Variants in ELAVL2 observed in about 807,000 individuals in gnomAD.
ELAVL2 encodes the protein ELAV-like protein 2.
In ELAVL2, 4 loss-of-function variants were observed where a neutral mutation model predicts 34.6. That is an observed-to-expected ratio of 0.12 (90% confidence interval 0.06 to 0.26). The LOEUF is 0.26. Ranked by LOEUF, ELAVL2 falls within the 10% of genes least tolerant of loss-of-function variation. ELAVL2 has a pLI of 1.00. For missense variants in ELAVL2, 432 were observed against 442.8 expected, an observed-to-expected ratio of 0.98 and a Z score of 0.22; for synonymous variants, 193 against 154.8, an observed-to-expected ratio of 1.25 and a Z score of -1.83.
In ELAVL2 at chr9:23,701,507, C is replaced by T. The variant is rs768188398; in HGVS notation, c.585G>A (p.Thr195=). 22 of 1,613,940 alleles carry T rather than the reference C, an allele frequency of 1.4e-5. No individual in the cohort carries two copies. The highest frequency in any genetic ancestry group is 2.7e-5 in the African/African-American group (2 of 74,898). Residue 195 remains threonine (T), a synonymous_variant, in exon 5 of 7, where the codon ACG becomes ACA. Coordinates refer to ENST00000397312, the MANE Select transcript of ELAVL2 (RefSeq NM_004432.5). ...GLNGQKPPGA[T]EPITVKFANN... ...TAGCAAACTTTACAGTGATTGGCTCCGTGGCACCGGGAGGTTTCTGGCCAT... is the reference window on the plus strand; with the variant it reads ...TAGCAAACTTTACAGTGATTGGCTCTGTGGCACCGGGAGGTTTCTGGCCAT...
At chr9:23,831,901 A>C in the ELAVL2 span, among the ~76,000 whole-genome samples, 1 of 152,182 alleles carries the variant, frequency 6.6e-6, no homozygotes, top group Non-Finnish European at 1.5e-5. Context: ...GGAGAAGTGG[A>C]AAAGGGACAC....
chr9:23,791,590 ATAAT>A (rs1398800673), intron 1 of ELAVL2, among the ~76,000 whole-genome samples: 2 of 151,914 alleles, frequency 1.3e-5, no homozygotes, highest in Non-Finnish European at 2.9e-5. Context: ...ATAAGTGTAA[ATAAT>A]TAAGAATAAA....
the ELAVL2 span, among the ~76,000 whole-genome samples, chr9:23,848,301 A>T: frequency 6.6e-6 from 1 of 152,176 alleles, no homozygotes. Context: ...GAGATTTCTC[A>T]ACTGAAATTC....
intron 1 of ELAVL2, chr9:23,779,106 G>T: frequency 1.2e-6 from 1 of 804,878 alleles, no homozygotes; most frequent in Non-Finnish European, 1.5e-6. Flanking sequence ...TACACCAGAA[G>T]CCCTTGAATT....
the ELAVL2 span, among the ~76,000 whole-genome samples, chr9:23,847,071 T>C: frequency 6.6e-6 from 1 of 152,132 alleles, no homozygotes. Context: ...CTTACATATA[T>C]GATTAAATCC....
At chr9:23,765,830 C>G (rs1280220016) in intron 1 of ELAVL2, among the ~76,000 whole-genome samples, 3 of 152,050 alleles carry the variant, frequency 2.0e-5, no homozygotes, top group Admixed American at 6.6e-5. Flanking sequence ...ATCAAGTGAA[C>G]ATTTTTTAAT....
At chr9:23,754,740 G>A (rs2053120603) in intron 2 of ELAVL2, among the ~76,000 whole-genome samples, 1 of 152,154 alleles carries the variant, frequency 6.6e-6, no homozygotes, top group Non-Finnish European at 1.5e-5. Flanking sequence ...TGAGAATACA[G>A]GCATGAATCA....
At chr9:23,827,018 A>G (rs181293083), upstream of ELAVL2, among the ~76,000 whole-genome samples, 2 of 152,324 alleles carry the variant, frequency 1.3e-5, no homozygotes, top group East Asian at 1.9e-4. Flanking sequence ...CTTTCACTTC[A>G]TGTTAGAATA....
intron 1 of ELAVL2, among the ~76,000 whole-genome samples, chr9:23,813,694 T>C (rs907857092): frequency 8.5e-5 from 13 of 152,118 alleles, no homozygotes; most frequent in Admixed American, 7.9e-4. Flanking sequence ...GCTCATTTTA[T>C]AAAAGGAGAA....
intron 2 of ELAVL2, among the ~76,000 whole-genome samples, chr9:23,745,826 T>A (rs2050350685): frequency 6.6e-6 from 1 of 152,170 alleles, no homozygotes; most frequent in African/African-American, 2.4e-5. Context: ...CCTTAGCTAC[T>A]AAAAGCAATG....
rs116953822 is a variant in ELAVL2, at chr9:23,818,855, C to G, written c.-16+6951G>C. Among the ~76,000 whole-genome samples the G allele has an allele frequency of 4.6e-5, 7 of 152,316 alleles. No individual in the cohort carries two copies. The East Asian group carries it at 1.4e-3, about 29-fold the overall frequency. On this transcript the variant is annotated intron_variant, in intron 1 of 6. Coordinates refer to ENST00000397312, the MANE Select transcript of ELAVL2 (RefSeq NM_004432.5). ...AGCTTAAGAAGCTATTTCAGAGTAT[C>G]TAGTCCTTTGGGGAAAAAGAACATG...
chr9:23,844,141 C>CACAG, the ELAVL2 span, among the ~76,000 whole-genome samples: 1 of 152,006 alleles, frequency 6.6e-6, no homozygotes, highest in Admixed American at 6.6e-5. Flanking sequence ...TAAAGTCAAC[C>CACAG]ACAGGCATAT....
chr9:23,838,914 C>G, the ELAVL2 span, among the ~76,000 whole-genome samples: 1 of 152,108 alleles, frequency 6.6e-6, no homozygotes, highest in South Asian at 2.1e-4. Context: ...TAAACAGTCA[C>G]CTGAGTTAAT....
intron 1 of ELAVL2, among the ~76,000 whole-genome samples, chr9:23,790,365 G>A (rs1022131779): frequency 5.3e-5 from 8 of 152,138 alleles, no homozygotes; most frequent in African/African-American, 9.7e-5. Context: ...CCCAATACCC[G>A]CTTTCCCAGT....
chr9:23,774,482 C>T (rs933648427), intron 1 of ELAVL2, among the ~76,000 whole-genome samples: 6 of 152,216 alleles, frequency 3.9e-5, no homozygotes, highest in South Asian at 4.1e-4. Context: ...CAGTCACAAA[C>T]GGTGACTAAG....
upstream of ELAVL2, chr9:23,829,572 T>C (rs2065433800): frequency 6.6e-6 from 1 of 152,214 alleles, no homozygotes; most frequent in Non-Finnish European, 1.5e-5. Flanking sequence ...TAGGGGGTTA[T>C]GGTTCATACT....
At chr9:23,785,088 C>T (rs1450334615) in intron 1 of ELAVL2, among the ~76,000 whole-genome samples, 3 of 152,138 alleles carry the variant, frequency 2.0e-5, no homozygotes, top group Non-Finnish European at 4.4e-5. Flanking sequence ...CTTTCCTTGG[C>T]AAAACAGAGT....
rs190972419 is a variant in ELAVL2, at chr9:23,811,298, C to T, written c.-16+14508G>A. Reference sequence around the variant, plus strand: ...CCTCTCCACTAAATCAAAAAGGTAACGCAGCGTACAAGCTGTTCGATCACC... The same window carrying T: ...CCTCTCCACTAAATCAAAAAGGTAATGCAGCGTACAAGCTGTTCGATCACC... On this transcript the variant is annotated intron_variant, in intron 1 of 6. Coordinates refer to ENST00000397312, the MANE Select transcript of ELAVL2 (RefSeq NM_004432.5). 4.0e-5 allele frequency among the ~76,000 whole-genome samples: 6 copies of T among 151,632 alleles called. No homozygotes were observed. In the East Asian group the frequency reaches 5.8e-4, roughly 15 times the overall value.
intron 3 of ELAVL2, among the ~76,000 whole-genome samples, chr9:23,729,042 A>G (rs1311764340): frequency 6.6e-6 from 1 of 152,154 alleles, no homozygotes; most frequent in Admixed American, 6.6e-5. Context: ...CCCTAAAGAG[A>G]AAAGGCTGGA....
Sources: gnomAD v4.1 joint callset for allele counts (sites outside exome capture counted in the v4.1 genomes callset) on GRCh38, gnomAD v4.1.1 for gene constraint, MANE v1.5 for transcripts, NCBI Gene and HGNC (gene_info 2026-07-23, HGNC 2026-07-21) for gene names.